GLB1: variants seen among roughly 807,000 people sequenced by gnomAD.
The protein encoded by GLB1 is galactosidase beta 1.
Under a neutral mutation model 74.0 loss-of-function variants are expected in GLB1, and 56 were observed. That is an observed-to-expected ratio of 0.76 (90% CI 0.61 to 0.94). GLB1 has a LOEUF of 0.94. Ranked by LOEUF, GLB1 falls within the 40% of genes least tolerant of loss-of-function variation. The pLI is 0.00. For synonymous variants in GLB1, 323 were observed against 323.6 expected, an observed-to-expected ratio of 1.00 and a Z score of 0.02; for missense variants, 787 against 845.5, an observed-to-expected ratio of 0.93 and a Z score of 0.86.
chr3:33,007,646 G>A (rs1223534462), intron 15 of GLB1, among the ~76,000 whole-genome samples: 1 of 152,112 alleles, frequency 6.6e-6, no homozygotes, highest in Admixed American at 6.5e-5. Flanking sequence ...CCACCTTTTG[G>A]CAATTATGGA....
intron 15 of GLB1, among the ~76,000 whole-genome samples, chr3:33,007,776 C>G (rs1039388168): frequency 6.6e-6 from 1 of 152,178 alleles, no homozygotes; most frequent in South Asian, 2.1e-4. Flanking sequence ...TACTTTCAAG[C>G]CTGGAGATGC....
At chr3:33,037,731 C>T (rs1698336090) in intron 10 of GLB1, among the ~76,000 whole-genome samples, 1 of 152,168 alleles carries the variant, frequency 6.6e-6, no homozygotes, top group Non-Finnish European at 1.5e-5. Context: ...ACTGCAGCTA[C>T]TAAAGGGCAC....
chr3:33,007,338 T>A (rs1696830864), intron 15 of GLB1, among the ~76,000 whole-genome samples: 1 of 152,206 alleles, frequency 6.6e-6, no homozygotes, highest in Non-Finnish European at 1.5e-5. Context: ...TAAGAAGCCC[T>A]GTACCCTTTA....
intron 10 of GLB1, among the ~76,000 whole-genome samples, chr3:33,041,121 A>G (rs910343866): frequency 2.0e-5 from 3 of 152,240 alleles, no homozygotes; most frequent in Admixed American, 1.3e-4. Context: ...TTTTAGGACT[A>G]GTGAAAAAAG....
chr3:33,088,473 A>C (rs1700620336), intron 1 of GLB1, among the ~76,000 whole-genome samples: 1 of 152,030 alleles, frequency 6.6e-6, no homozygotes, highest in South Asian at 2.1e-4. Flanking sequence ...AACATACCAA[A>C]ATCAGTTGCT....
intron 5 of GLB1, among the ~76,000 whole-genome samples, chr3:33,062,765 GAC>G (rs1223049981): frequency 6.7e-6 from 1 of 149,500 alleles, no homozygotes; most frequent in Non-Finnish European, 1.5e-5. Flanking sequence ...TCAGCCTGGT[GAC>G]AGAGAGAGAC....
intron 14 of GLB1, among the ~76,000 whole-genome samples, chr3:33,016,226 G>T (rs758866578): frequency 2.0e-5 from 3 of 152,178 alleles, no homozygotes; most frequent in Admixed American, 6.5e-5. Flanking sequence ...CAGAGGAAAA[G>T]CATGGTGGAG....
At position 33,051,713 on chromosome 3, in the gene GLB1, G is replaced by A. The variant is rs556153552; in HGVS notation, c.955+45C>T. ...ACACCCCTCCTCAAATTAATCAACA[G>A]AAACATTCTAGCATAAGTTTCTACA... is the stretch of plus-strand genomic sequence containing the variant. On this transcript the variant is annotated intron_variant, in intron 9 of 15. Transcript: ENST00000307363. 2.5e-6 allele frequency: 4 copies of A among 1,613,258 alleles called. No homozygotes were observed. In the East Asian group the frequency reaches 6.7e-5, roughly 27 times the overall value.
the GLB1 span, among the ~76,000 whole-genome samples, chr3:32,983,560 A>C: frequency 3.5e-4 from 54 of 152,260 alleles, no homozygotes; most frequent in Non-Finnish European, 8.8e-5. Flanking sequence ...TATGTCTCAT[A>C]ATTTCAATAT....
chr3:33,074,619 C>T lies in GLB1; in HGVS notation c.76-1906G>A, dbSNP rs540598074. On this transcript the variant is annotated intron_variant, in intron 1 of 15. Coordinates refer to ENST00000307363, the MANE Select transcript of GLB1 (RefSeq NM_000404.4). ...TCAACGGGTGGTGGGGGTGGGGGTTCGACTGTTAAGCCGAGTGGAACACTG... is the reference window on the plus strand; with the variant it reads ...TCAACGGGTGGTGGGGGTGGGGGTTTGACTGTTAAGCCGAGTGGAACACTG... 3.9e-5 allele frequency among the ~76,000 whole-genome samples: 6 copies of T among 152,018 alleles called. No individual in the cohort carries two copies. In the South Asian group the frequency reaches 8.3e-4, roughly 21 times the overall value.
intron 10 of GLB1, among the ~76,000 whole-genome samples, chr3:33,041,217 C>T (rs952860115): frequency 1.3e-5 from 2 of 152,066 alleles, no homozygotes; most frequent in Admixed American, 6.5e-5. Context: ...AACTATACAG[C>T]GTCAAATATA....
intron 1 of GLB1, among the ~76,000 whole-genome samples, chr3:33,082,201 A>G (rs1381653415): frequency 6.6e-6 from 1 of 152,232 alleles, no homozygotes; most frequent in African/African-American, 2.4e-5. Context: ...ACTCTTAGGG[A>G]GGCCAGGGAT....
the GLB1 span, among the ~76,000 whole-genome samples, chr3:32,985,012 G>T: frequency 4.0e-5 from 6 of 151,094 alleles, no homozygotes; most frequent in Non-Finnish European, 8.8e-5. Context: ...GGCTGAGGCA[G>T]GAGAACTGCT....
At chr3:32,966,546 G>A in the GLB1 span, among the ~76,000 whole-genome samples, 1 of 152,148 alleles carries the variant, frequency 6.6e-6, no homozygotes, top group South Asian at 2.1e-4. Flanking sequence ...ATGAGACTTT[G>A]GACTTGGACT....
At chr3:33,044,874 A>C (rs1294982907) in intron 10 of GLB1, among the ~76,000 whole-genome samples, 1 of 152,162 alleles carries the variant, frequency 6.6e-6, no homozygotes, top group Non-Finnish European at 1.5e-5. Flanking sequence ...AGGAAACCCC[A>C]CCTAGGTGCA....
chr3:33,043,893 A>G (rs1698638942), intron 10 of GLB1, among the ~76,000 whole-genome samples: 1 of 148,898 alleles, frequency 6.7e-6, no homozygotes, highest in South Asian at 2.2e-4. Context: ...TATTAGAAAT[A>G]GAGGGTTATA....
intron 15 of GLB1, among the ~76,000 whole-genome samples, chr3:33,002,748 T>A (rs1002299365): frequency 5.9e-5 from 9 of 152,128 alleles, no homozygotes; most frequent in African/African-American, 1.2e-4. Flanking sequence ...TTTTCCAAAA[T>A]TTTTTGGGAG....
chr3:33,076,337 AGAG>A (rs1288589209), intron 1 of GLB1, among the ~76,000 whole-genome samples: 3 of 152,226 alleles, frequency 2.0e-5, no homozygotes, highest in Non-Finnish European at 4.4e-5. Context: ...CTGCTGAGGC[AGAG>A]GAGGAGGCCA....
At chr3:32,977,354 C>T in the GLB1 span, among the ~76,000 whole-genome samples, 1 of 151,816 alleles carries the variant, frequency 6.6e-6, no homozygotes, top group Non-Finnish European at 1.5e-5. Flanking sequence ...TACAGGCGCC[C>T]ACCACCACAC....
Sources: allele counts gnomAD v4.1 joint callset (sites outside exome capture counted in the v4.1 genomes callset), GRCh38; gene constraint gnomAD v4.1.1; transcripts MANE v1.5; gene names NCBI Gene and HGNC (gene_info 2026-07-23, HGNC 2026-07-21).